ZC3H18: variants seen among roughly 807,000 people sequenced by gnomAD.
ZC3H18 encodes zinc finger CCCH domain-containing protein 18.
In ZC3H18, 8 loss-of-function variants were observed where a neutral mutation model predicts 106.1. The ratio of observed to expected loss-of-function variants is 0.08; its 90% CI spans 0.04 to 0.14. ZC3H18 has a LOEUF of 0.14. Among genes scored for constraint, ZC3H18 ranks in the 10% least tolerant of loss-of-function variants. The probability of loss-of-function intolerance (pLI) is 1.00; values close to 1 mark genes in which losing one functional copy is unlikely to be tolerated. For synonymous variants in ZC3H18, 635 were observed against 522.1 expected (o/e 1.22, Z -2.95); for missense variants, 1,318 against 1,278.4 (o/e 1.03, Z -0.47).
At chr16:88,626,080 C>G (rs982328916) in intron 13 of ZC3H18, 2 of 152,080 alleles carry the variant, frequency 1.3e-5, no homozygotes, top group African/African-American at 4.8e-5. Flanking sequence ...ACCTTGGCCT[C>G]CCAAAGTGCT....
In ZC3H18 at chr16:88,622,323, C is replaced by T. The variant is rs1159614641; in HGVS notation, c.1602C>T (p.Ser534=). The T allele has an allele frequency of 3.1e-6, 5 of 1,613,788 alleles. No individual in the cohort carries two copies. Among genetic ancestry groups the T allele is most frequent in the African/African-American group, 1.3e-5 (1 of 74,924 alleles). The change falls in exon 9 of 18, where the codon TCC becomes TCT. Residue 534 remains serine, a synonymous_variant. Transcript: ENST00000301011. Reference sequence around the variant, plus strand: ...AGAAGAAACTCGGGGTGTCGGTCTCCCCGAGCCGGGCTCGAAGGCGTCGGA... The same window carrying T: ...AGAAGAAACTCGGGGTGTCGGTCTCTCCGAGCCGGGCTCGAAGGCGTCGGA... ...SPKKKLGVSV[S]PSRARRRRKT...
At chr16:88,608,863 A>G (rs1057155302) in intron 6 of ZC3H18, 71 bp from the exon 7 acceptor site, 1 of 1,276,364 alleles carries the variant, frequency 7.8e-7, no homozygotes, top group Non-Finnish European at 1.1e-6. Flanking sequence ...TTCTGTCCCT[A>G]ATGTTTCGTG....
intron 6 of ZC3H18, among the ~76,000 whole-genome samples, chr16:88,602,820 A>C (rs550701426): frequency 1.3e-5 from 2 of 152,322 alleles, no homozygotes; most frequent in South Asian, 4.1e-4. Flanking sequence ...GAGTTTTGCA[A>C]ATAATTGTCA....
rs148170371 is a variant in ZC3H18 at position 88,623,234 on chromosome 16, A to G, written c.1683A>G (p.Ser561=). 52 of 1,613,248 alleles carry G rather than the reference A, an allele frequency of 3.2e-5. No individual in the cohort carries two copies. In the East Asian group the frequency reaches 1.1e-3, roughly 35 times the overall value. The part of the protein sequence containing the change: ...ASNSSRSSSR[S]SSYSGSGSSR... ...CCCGCCCCAGGTCGTCTTCGCGGTC[A>G]TCGTCCTACTCTGGCTCCGGCTCCT... Residue 561 remains serine (S), a synonymous_variant, in exon 10 of 18, where the codon TCA becomes TCG. Transcript: ENST00000301011.
chr16:88,580,768 C>T (rs1237713912), intron 2 of ZC3H18, among the ~76,000 whole-genome samples: 4 of 152,156 alleles, frequency 2.6e-5, no homozygotes, highest in African/African-American at 9.7e-5. Flanking sequence ...GCCTTTCGCC[C>T]GGTCCCCTTT....
At chr16:88,606,914 G>T (rs1905035127) in intron 6 of ZC3H18, among the ~76,000 whole-genome samples, 1 of 152,148 alleles carries the variant, frequency 6.6e-6, no homozygotes, top group Non-Finnish European at 1.5e-5. Flanking sequence ...TGATGCCTCA[G>T]GTTCCCACCC....
chr16:88,627,599 G>A lies in ZC3H18; in HGVS notation c.2109-23G>A. The A allele has an allele frequency of 1.3e-6, 2 of 1,586,028 alleles. No individual in the cohort carries two copies. The highest frequency in any genetic ancestry group is 1.7e-6 in the Non-Finnish European group (2 of 1,160,144). The stretch of plus-strand genomic sequence containing the variant: ...CTCCCTCCAGTCTGGCTGGGGTGTG[G>A]TGAGATGTGCTTGTGTGTCCAGGTC... On this transcript the variant is annotated intron_variant, in intron 13 of 17. Coordinates refer to ENST00000301011, the MANE Select transcript of ZC3H18 (RefSeq NM_144604.4). The surrounding 1 kb of genome is among the most constrained non-coding windows in gnomAD (Gnocchi z 4.5).
chr16:88,610,248 G>T (rs1191081034), intron 7 of ZC3H18, among the ~76,000 whole-genome samples: 2 of 152,172 alleles, frequency 1.3e-5, no homozygotes, highest in South Asian at 2.1e-4. Flanking sequence ...GGAAGGGTCA[G>T]TTAGAAGCTG....
At chr16:88,585,573 C>T (rs1915386152) in intron 2 of ZC3H18, among the ~76,000 whole-genome samples, 1 of 152,136 alleles carries the variant, frequency 6.6e-6, no homozygotes, top group African/African-American at 2.4e-5. Context: ...TCAGGGAAGG[C>T]CACCCCAAGG....
chr16:88,630,759 C>CCA (rs1451407114), intron 17 of ZC3H18, among the ~76,000 whole-genome samples, 178 bp downstream of exon 17: 2 of 107,158 alleles, frequency 1.9e-5, no homozygotes, highest in African/African-American at 6.2e-5. Context: ...ACCCCCCACC[C>CCA]CCCCCCACAC....
chr16:88,623,062 T>TCTGTGCGCGCGTCTGCAG (rs568912137), intron 9 of ZC3H18, 157 bp from the exon 10 acceptor site: 33 of 1,026,674 alleles, frequency 3.2e-5, no homozygotes, highest in African/African-American at 2.3e-4. Context: ...GCTGTATGCG[T>TCTGTGCGCGCGTCTGCAG]CTGTGCGCGC....
chr16:88,623,622 G>T, intron 10 of ZC3H18: 1 of 577,652 alleles, frequency 1.7e-6, no homozygotes, highest in Non-Finnish European at 3.0e-6. Context: ...CCGAGGAAGG[G>T]GCCAGACCCA....
chr16:88,608,529 A>G (rs1905120537), intron 6 of ZC3H18: 1 of 153,632 alleles, frequency 6.5e-6, no homozygotes, highest in Non-Finnish European at 1.4e-5. Flanking sequence ...ACGCCCAACT[A>G]ATTTTGTATT....
At chr16:88,595,478 T>C (rs371217517) in intron 3 of ZC3H18, among the ~76,000 whole-genome samples, 142 of 145,452 alleles carry the variant, frequency 9.8e-4, no homozygotes, top group African/African-American at 2.9e-3. Context: ...TTCTTTCTTT[T>C]TTTTTTTTTT....
chr16:88,625,300 C>T, intron 13 of ZC3H18, 33 bp downstream of exon 13: 2 of 1,563,314 alleles, frequency 1.3e-6, no homozygotes, highest in Non-Finnish European at 1.7e-6. Flanking sequence ...TCTGTTTCTC[C>T]CTCCCCGTCG....
rs909319111 is a variant in ZC3H18 at position 88,603,114 on chromosome 16, G to A, written c.1088+3166G>A. ...CGAGTAGCTGGGACTACAGGCGCCC[G>A]CCACCACGCTCAGCCAATTTTTTGT... is the stretch of plus-strand genomic sequence containing the variant. On this transcript the variant is annotated intron_variant, in intron 6 of 17. Coordinates refer to ENST00000301011, the MANE Select transcript of ZC3H18 (RefSeq NM_144604.4). 4.0e-5 allele frequency among the ~76,000 whole-genome samples: 6 copies of A among 151,868 alleles called. No homozygotes were observed. The South Asian group carries it at 6.2e-4, about 16-fold the overall frequency.
chr16:88,586,308 G>A (rs575742703), intron 2 of ZC3H18, among the ~76,000 whole-genome samples: 1 of 152,244 alleles, frequency 6.6e-6, no homozygotes, highest in African/African-American at 2.4e-5. Flanking sequence ...ACTATTTCCT[G>A]CCCAGAGTTG....
chr16:88,574,500 C>T (rs1372183531), intron 1 of ZC3H18, among the ~76,000 whole-genome samples: 4 of 151,630 alleles, frequency 2.6e-5, no homozygotes, highest in Middle Eastern at 3.4e-3. Context: ...CGAGCCACCA[C>T]GCCTGGCCAG....
chr16:88,600,476 A>C (rs898602969), intron 6 of ZC3H18, among the ~76,000 whole-genome samples: 1 of 152,000 alleles, frequency 6.6e-6, no homozygotes, highest in African/African-American at 2.4e-5. Flanking sequence ...GCAGTTGCGC[A>C]ATCTTGGCTC....
Sources: gnomAD v4.1 joint callset for allele counts (sites outside exome capture counted in the v4.1 genomes callset) on GRCh38, gnomAD v4.1.1 for gene constraint, Gnocchi (gnomAD v3.1) non-coding constraint, MANE v1.5 for transcripts, NCBI Gene and HGNC (gene_info 2026-07-23, HGNC 2026-07-21) for gene names.